MYO18B: variants seen among roughly 807,000 people sequenced by gnomAD.
MYO18B encodes myosin XVIIIB.
Under a neutral mutation model 273.0 loss-of-function variants are expected in MYO18B, and 204 were observed. The observed-to-expected ratio is 0.75, with a 90% CI of 0.67 to 0.84. The LOEUF is 0.84. Among genes scored for constraint, MYO18B ranks in the 40% least tolerant of loss-of-function variants. The probability of loss-of-function intolerance (pLI) is 0.00; values close to 1 mark genes in which losing one functional copy is unlikely to be tolerated. For missense variants in MYO18B, 3,212 were observed against 3,287.6 expected, an observed-to-expected ratio of 0.98 and a Z score of 0.56; for synonymous variants, 1,330 against 1,305.7, an observed-to-expected ratio of 1.02 and a Z score of -0.40.
chr22:26,010,522 C>T (rs1019032083), intron 42 of MYO18B, among the ~76,000 whole-genome samples: 1 of 152,186 alleles, frequency 6.6e-6, no homozygotes, highest in East Asian at 1.9e-4. Flanking sequence ...CTCCGAGTCT[C>T]AGCCCCTCCA....
intron 34 of MYO18B, among the ~76,000 whole-genome samples, chr22:25,940,379 C>T (rs536815800): frequency 5.3e-5 from 8 of 152,286 alleles, no homozygotes; most frequent in South Asian, 4.2e-4. Context: ...TGCCTTCTGC[C>T]GTGATTTTGA....
chr22:26,019,873 G>A (rs1935670325), intron 42 of MYO18B, among the ~76,000 whole-genome samples: 1 of 152,168 alleles, frequency 6.6e-6, no homozygotes, highest in Non-Finnish European at 1.5e-5. Flanking sequence ...TTTGCTGTGT[G>A]ATTAAGTCTA....
Position 25,785,545 on chromosome 22 carries a change from G to A in MYO18B, c.2376+54G>A, listed in dbSNP as rs2087347560. 1.7e-5 allele frequency: 26 copies of A among 1,567,050 alleles called. 1 individual carries two copies. In the South Asian group the frequency reaches 2.8e-4, roughly 17 times the overall value. Reference sequence around the variant, plus strand: ...TGTGAGTCTGTGTCTGGGGCTAGATGGGAGGGTGATGAGTCGCCGTGCAAC... The same window carrying A: ...TGTGAGTCTGTGTCTGGGGCTAGATAGGAGGGTGATGAGTCGCCGTGCAAC... On this transcript the variant is annotated intron_variant, in intron 11 of 43. Transcript: ENST00000335473.
intron 34 of MYO18B, among the ~76,000 whole-genome samples, chr22:25,938,663 C>T (rs3948759): frequency 1.3e-5 from 2 of 152,044 alleles, no homozygotes; most frequent in Non-Finnish European, 2.9e-5. Context: ...CTTTCCCCCT[C>T]GATGAGTAAT....
At position 25,868,332 on chromosome 22, in the gene MYO18B, C is replaced by A. The variant is rs1193123378; in HGVS notation, c.3898C>A (p.Leu1300Ile). 6.2e-7 allele frequency: 1 copy of A among 1,603,274 alleles called. No homozygotes were observed. The highest frequency in any genetic ancestry group is 1.7e-5 in the Admixed American group (1 of 58,634). ...GIDERKAVEE[L>I]LETLDLEKKA... ...ATTTTTTCCCCAGGCCGTGGAGGAG[C>A]TCCTGGAGACCCTGGATCTGGAAAA... The change falls in exon 22 of 44, where the codon CTC becomes ATC. Residue 1300 changes from leucine to isoleucine, a missense_variant. Transcript: ENST00000335473.
At chr22:26,036,294 G>A in the MYO18B span, among the ~76,000 whole-genome samples, 1 of 152,174 alleles carries the variant, frequency 6.6e-6, no homozygotes, top group South Asian at 2.1e-4. Flanking sequence ...ACAGATGTTA[G>A]CAGCTCTGGT....
chr22:25,860,341 A>G (rs960797429), intron 21 of MYO18B, among the ~76,000 whole-genome samples: 4 of 151,786 alleles, frequency 2.6e-5, no homozygotes, highest in Non-Finnish European at 4.4e-5. Context: ...CTTTGGTTCT[A>G]TTGTCTTCTA....
chr22:26,047,193 C>T, the MYO18B span, among the ~76,000 whole-genome samples: 1 of 146,330 alleles, frequency 6.8e-6, no homozygotes, highest in African/African-American at 2.5e-5. Context: ...GTGGCGTGAT[C>T]TCGGCTCACT....
rs112270883 is a variant in MYO18B at position 25,761,347 on chromosome 22, C to A, written c.39+216C>A. Among the ~76,000 whole-genome samples the A allele has an allele frequency of 0.24, 36,927 of 151,980 alleles. 4,772 individuals are homozygous for A. The highest frequency in any genetic ancestry group is 0.34 in the African/African-American group (14,177 of 41,396). On this transcript the variant is annotated intron_variant, in intron 2 of 43. Coordinates refer to ENST00000335473, the MANE Select transcript of MYO18B (RefSeq NM_032608.7). ...CTGATGGCCATACCCTTGACGCCCC[C>A]CCGAGGGCTGCCTGGTTGTTTCCTG...
intron 42 of MYO18B, among the ~76,000 whole-genome samples, chr22:26,013,147 A>G (rs544306697): frequency 6.6e-6 from 1 of 152,228 alleles, no homozygotes. Context: ...TGTAGCAGTA[A>G]TTCATTTATT....
the MYO18B span, among the ~76,000 whole-genome samples, chr22:26,048,632 A>T: frequency 2.0e-5 from 3 of 152,066 alleles, no homozygotes; most frequent in Non-Finnish European, 4.4e-5. Context: ...CTTTATGCTG[A>T]CCTACAGGAC....
chr22:25,974,121 C>T lies in MYO18B; in HGVS notation c.6157-18242C>T, dbSNP rs1273356910. Among the ~76,000 whole-genome samples the T allele has an allele frequency of 3.3e-5, 5 of 152,174 alleles. No homozygotes were observed. The East Asian group carries it at 9.6e-4, about 29-fold the overall frequency. ...TACTCACTAAACTCTTTTATGTCTG[C>T]TAATTAATGTTCATACCTTTTCTTC... is the stretch of plus-strand genomic sequence containing the variant. On this transcript the variant is annotated intron_variant, in intron 39 of 43. Transcript: ENST00000335473.
intron 21 of MYO18B, among the ~76,000 whole-genome samples, chr22:25,861,651 ATTTACATTATAGCCATTT>A (rs2090740388): frequency 6.6e-6 from 1 of 152,094 alleles, no homozygotes; most frequent in Non-Finnish European, 1.5e-5. Context: ...CTGTAATGTG[ATTTACATTATAGCCATTT>A]TGCTATTTTC....
intron 20 of MYO18B, among the ~76,000 whole-genome samples, chr22:25,849,439 G>A (rs544967175): frequency 5.3e-4 from 81 of 152,052 alleles, no homozygotes; most frequent in Non-Finnish European, 1.0e-3. Context: ...ACACAGATAC[G>A]TCAAATATTT....
intron 25 of MYO18B, among the ~76,000 whole-genome samples, chr22:25,882,123 C>A (rs897659646): frequency 1.6e-4 from 25 of 152,196 alleles, no homozygotes; most frequent in African/African-American, 6.0e-4. Flanking sequence ...TGTTGTTTCC[C>A]CTCACAGGAT....
the MYO18B span, among the ~76,000 whole-genome samples, chr22:26,056,432 G>T: frequency 5.1e-3 from 781 of 152,266 alleles, 5 homozygotes; most frequent in African/African-American, 0.016. Context: ...CTAGAACCCA[G>T]GTATCCTCAC....
At chr22:25,819,967 A>G (rs2089202111) in intron 12 of MYO18B, among the ~76,000 whole-genome samples, 1 of 80,214 alleles carries the variant, frequency 1.2e-5, no homozygotes, top group African/African-American at 4.5e-5. Flanking sequence ...TCCTGGAACA[A>G]TAACCCAGGC....
intron 1 of MYO18B, among the ~76,000 whole-genome samples, chr22:25,752,725 C>T (rs963864902): frequency 6.6e-6 from 1 of 152,214 alleles, no homozygotes; most frequent in African/African-American, 2.4e-5. Flanking sequence ...TGCTCGCTCT[C>T]GGTGCCTCCT....
At chr22:25,892,003 C>T (rs1363424094) in intron 27 of MYO18B, among the ~76,000 whole-genome samples, 1 of 151,948 alleles carries the variant, frequency 6.6e-6, no homozygotes, top group Non-Finnish European at 1.5e-5. Context: ...GACCCTGTCT[C>T]AAAAAAATAA....
Sources: allele counts gnomAD v4.1 joint callset (sites outside exome capture counted in the v4.1 genomes callset), GRCh38; gene constraint gnomAD v4.1.1; transcripts MANE v1.5; gene names NCBI Gene and HGNC (gene_info 2026-07-23, HGNC 2026-07-21).